Variants in RASGEF1A observed in about 807,000 individuals in gnomAD.
RASGEF1A encodes the protein ras-GEF domain-containing family member 1A.
A neutral mutation model predicts 56.4 loss-of-function variants in RASGEF1A; 18 were observed. The ratio of observed to expected loss-of-function variants is 0.32; its 90% CI spans 0.22 to 0.47. The LOEUF is 0.47. Among genes scored for constraint, RASGEF1A ranks in the 20% least tolerant of loss-of-function variants. The probability of loss-of-function intolerance (pLI) is 1.00; values close to 1 mark genes in which losing one functional copy is unlikely to be tolerated. For missense variants in RASGEF1A, 422 were observed against 627.1 expected, an observed-to-expected ratio of 0.67 and a Z score of 3.49; for synonymous variants, 245 against 242.6, an observed-to-expected ratio of 1.01 and a Z score of -0.09.
chr10:43,237,768 G>A (rs1025505636), intron 1 of RASGEF1A, among the ~76,000 whole-genome samples: 54 of 152,036 alleles, frequency 3.6e-4, no homozygotes, highest in African/African-American at 1.3e-3. Flanking sequence ...GGGATCCCAC[G>A]ACACCCAGCC....
intron 2 of RASGEF1A, among the ~76,000 whole-genome samples, chr10:43,204,488 G>T (rs1180426646): frequency 6.6e-6 from 1 of 152,192 alleles, no homozygotes; most frequent in Non-Finnish European, 1.5e-5. Flanking sequence ...ATCTCTCAGG[G>T]TCCCCCTTCT....
intron 1 of RASGEF1A, among the ~76,000 whole-genome samples, chr10:43,257,487 G>A (rs1447705785): frequency 6.6e-6 from 1 of 152,206 alleles, no homozygotes; most frequent in South Asian, 2.1e-4. Flanking sequence ...CCGCCTGGGG[G>A]CCTCTCCTCC....
chr10:43,207,325 G>A (rs767494366), intron 1 of RASGEF1A: 633 of 985,368 alleles, frequency 6.4e-4, no homozygotes, highest in Non-Finnish European at 7.2e-4. Context: ...TGACAGGACC[G>A]TGGGCCTCTG....
chr10:43,208,012 G>T, intron 1 of RASGEF1A: 2 of 976,246 alleles, frequency 2.0e-6, no homozygotes, highest in Non-Finnish European at 2.4e-6. Flanking sequence ...GTATCCTATC[G>T]CTGGCCCAGG....
chr10:43,199,057 T>A, intron 8 of RASGEF1A, 35 bp downstream of exon 8: 1 of 1,608,180 alleles, frequency 6.2e-7, no homozygotes, highest in Non-Finnish European at 8.5e-7. Context: ...GGGTGGGCCA[T>A]GCAGCAGCCC....
chr10:43,234,999 C>G lies in RASGEF1A; in HGVS notation c.-6-28877G>C, dbSNP rs146069915. 4.4e-3 allele frequency among the ~76,000 whole-genome samples: 674 copies of G among 152,340 alleles called. 4 individuals carry two copies. Among genetic ancestry groups the G allele is most frequent in the African/African-American group, 0.015 (633 of 41,584 alleles). ...CTGATGGCCCTAATCAAAACCACAC[C>G]TAAACACACCCACAGGCTCCAGGGA... On this transcript the variant is annotated intron_variant, in intron 1 of 12. Transcript: ENST00000395810.
At chr10:43,200,974 G>GTGA (rs1304408704) in intron 4 of RASGEF1A, 86 bp from the exon 5 acceptor site, 22 of 1,277,578 alleles carry the variant, frequency 1.7e-5, no homozygotes, top group Non-Finnish European at 2.2e-5. Flanking sequence ...TCACCTCCAG[G>GTGA]GATGTGCCTA....
chr10:43,223,642 A>T lies in RASGEF1A; in HGVS notation c.-6-17520T>A, dbSNP rs151042382. 2.0e-5 allele frequency among the ~76,000 whole-genome samples: 3 copies of T among 152,358 alleles called. No homozygotes were observed. In the East Asian group the frequency reaches 5.8e-4, roughly 29 times the overall value. ...ATTAGATGACTTAATCAAAGAATAG[A>T]GTAGAACTCCTTATAAACTTCAAGA... On this transcript the variant is annotated intron_variant, in intron 1 of 12. Coordinates refer to ENST00000395810, the MANE Select transcript of RASGEF1A (RefSeq NM_145313.4).
chr10:43,214,172 G>A (rs1840104306), intron 1 of RASGEF1A, among the ~76,000 whole-genome samples: 1 of 152,182 alleles, frequency 6.6e-6, no homozygotes, highest in South Asian at 2.1e-4. Flanking sequence ...CTGCAGCTAC[G>A]ATGGAGGCCC....
intron 1 of RASGEF1A, among the ~76,000 whole-genome samples, chr10:43,213,515 T>G (rs184431219): frequency 9.8e-5 from 15 of 152,286 alleles, no homozygotes; most frequent in African/African-American, 2.4e-5. Flanking sequence ...AGGGACCCTA[T>G]GTAGCCCCAG....
chr10:43,196,390 G>A lies in RASGEF1A; in HGVS notation c.1421+86C>T. ...GGACCAGGGACGCGGCAGTGCCCAG[G>A]CTCCCTTTCCAGGAGGGTAACCCTC... On this transcript the variant is annotated intron_variant, in intron 12 of 12. Transcript: ENST00000395810. The surrounding 1 kb of genome is among the most constrained non-coding windows in gnomAD (Gnocchi z 4.6). The A allele has an allele frequency of 1.3e-6, 2 of 1,551,954 alleles. No homozygotes were observed. Among genetic ancestry groups the A allele is most frequent in the Non-Finnish European group, 1.8e-6 (2 of 1,124,594 alleles).
chr10:43,221,797 G>C (rs1375016230), intron 1 of RASGEF1A, among the ~76,000 whole-genome samples: 6 of 152,260 alleles, frequency 3.9e-5, no homozygotes, highest in Admixed American at 1.3e-4. Context: ...CCTCCCACCT[G>C]CTGGGCCCTG....
At chr10:43,225,162 T>TTGTGTCTCTGTGTCTGTG in intron 1 of RASGEF1A, among the ~76,000 whole-genome samples, 1 of 134,390 alleles carries the variant, frequency 7.4e-6, no homozygotes, top group Non-Finnish European at 1.6e-5. Flanking sequence ...GTGTGTGTCT[T>TTGTGTCTCTGTGTCTGTG]TGTGTCTCTG....
At chr10:43,264,294 G>C (rs1349185817) in intron 1 of RASGEF1A, among the ~76,000 whole-genome samples, 1 of 151,726 alleles carries the variant, frequency 6.6e-6, no homozygotes. Flanking sequence ...TGCCCAAAAA[G>C]TGGCGACAGG....
chr10:43,200,062 T>A, intron 6 of RASGEF1A, 120 bp downstream of exon 6: 1 of 802,342 alleles, frequency 1.2e-6, no homozygotes. Flanking sequence ...TCGGGGCTCA[T>A]GGCCCAGCAC....
At chr10:43,198,240 C>CCT in intron 9 of RASGEF1A, 45 bp from the exon 10 acceptor site, 3 of 1,513,486 alleles carry the variant, frequency 2.0e-6, no homozygotes, top group Non-Finnish European at 2.7e-6. Flanking sequence ...GCCCCATGCC[C>CCT]CTCCGACCTG....
At chr10:43,206,551 G>A in intron 1 of RASGEF1A, 1 of 1,008,726 alleles carries the variant, frequency 9.9e-7, no homozygotes, top group Non-Finnish European at 1.2e-6. Context: ...TGAGTGCCAA[G>A]GTCCTGACCC....
intron 1 of RASGEF1A, among the ~76,000 whole-genome samples, chr10:43,228,085 G>A (rs114761988): frequency 0.01 from 1,589 of 151,996 alleles, 25 homozygotes; most frequent in African/African-American, 0.036. Flanking sequence ...CTGCAGCCCC[G>A]TCACCCCCAC....
intron 1 of RASGEF1A, among the ~76,000 whole-genome samples, chr10:43,244,634 C>T (rs542592022): frequency 9.3e-5 from 13 of 139,238 alleles, no homozygotes; most frequent in East Asian, 5.8e-4. Flanking sequence ...CAGAAGTCAA[C>T]GGCAAAAACA....
Sources: allele counts gnomAD v4.1 joint callset (sites outside exome capture counted in the v4.1 genomes callset), GRCh38; gene constraint gnomAD v4.1.1; non-coding constraint Gnocchi (gnomAD v3.1); transcripts MANE v1.5; gene names NCBI Gene and HGNC (gene_info 2026-07-23, HGNC 2026-07-21).